RBPJL: variants seen among roughly 807,000 people sequenced by gnomAD.
RBPJL encodes the protein recombining binding protein suppressor of hairless-like protein.
A neutral mutation model predicts 57.6 loss-of-function variants in RBPJL; 50 were observed. The observed-to-expected ratio is 0.87, with a 90% CI of 0.69 to 1.10. The LOEUF (loss-of-function observed/expected upper bound fraction) is 1.10, where lower values mean the gene tolerates loss of function less well. Ranked by LOEUF, RBPJL falls within the 50% of genes least tolerant of loss-of-function variation. The pLI is 0.00. For synonymous variants in RBPJL, 303 were observed against 294.4 expected (o/e 1.03, Z -0.30); for missense variants, 684 against 693.7 (o/e 0.99, Z 0.16).
chr20:45,313,687 G>A, intron 7 of RBPJL, 82 bp downstream of exon 7: 2 of 1,377,470 alleles, frequency 1.5e-6, no homozygotes, highest in Non-Finnish European at 1.9e-6. Context: ...CTTAAGGAAG[G>A]TAAACTCTGC....
intron 9 of RBPJL, among the ~76,000 whole-genome samples, chr20:45,315,138 C>T (rs1278980934): frequency 1.3e-5 from 2 of 152,088 alleles, no homozygotes; most frequent in East Asian, 3.9e-4. Context: ...AAATAAAAAT[C>T]ATGATAGGTA....
rs1434605442 is a variant in RBPJL, at chr20:45,311,921, G to GA, written c.413dup (p.Leu139AlafsTer116). ...CGTCCGGCAGCGCCACTGAGACGCA[G>GA]AAGCTGAATTTCGAGCAGCAGCCGG... is the stretch of plus-strand genomic sequence containing the variant. On this transcript the variant is annotated frameshift_variant, in exon 5 of 12. Transcript: ENST00000343694. LOFTEE classifies it high-confidence loss of function. 2.6e-6 allele frequency: 4 copies of GA among 1,551,372 alleles called. No individual in the cohort carries two copies. The African/African-American group carries it at 5.5e-5, about 21-fold the overall frequency.
intron 9 of RBPJL, 146 bp downstream of exon 9, chr20:45,314,711 A>C: frequency 1.4e-6 from 1 of 704,074 alleles, no homozygotes; most frequent in Non-Finnish European, 2.3e-6. Context: ...CCCAGGACAG[A>C]ATCATAGGAT....
At chr20:45,308,119 G>A (rs772177918) in intron 1 of RBPJL, 24 bp from the exon 2 acceptor site, 3 of 1,560,120 alleles carry the variant, frequency 1.9e-6, no homozygotes, top group South Asian at 2.2e-5. Flanking sequence ...CGCCTGACCT[G>A]GCTTGATGCC....
intron 5 of RBPJL, 120 bp downstream of exon 5, chr20:45,312,074 G>A: frequency 2.8e-6 from 4 of 1,446,812 alleles, no homozygotes; most frequent in Non-Finnish European, 3.8e-6. Context: ...GGAGGCCGGG[G>A]TCCTGCCTTA....
At chr20:45,314,898 C>T (rs1987377193) in intron 9 of RBPJL, among the ~76,000 whole-genome samples, 1 of 152,134 alleles carries the variant, frequency 6.6e-6, no homozygotes, top group Non-Finnish European at 1.5e-5. Flanking sequence ...GACTGGCCAA[C>T]ATGGTGAAAT....
Position 45,317,311 on chromosome 20 carries a change from T to C in RBPJL, c.*352T>C. 7.2e-6 allele frequency: 2 copies of C among 276,384 alleles called. No homozygotes were observed. The highest frequency in any genetic ancestry group is 1.3e-5 in the Non-Finnish European group (2 of 148,208). 17.1% of individuals were successfully genotyped at this position (276,384 alleles called of 1,614,324 possible). A position where few individuals can be genotyped will look rare whatever the true frequency, so the allele number is the denominator to read the frequency against. ...GTCCCTATCCTTCTGTCCTTTTCTC[T>C]CTTCAGCTCTCCCTGCCTCTCACAC... On this transcript the variant is annotated 3_prime_UTR_variant, in exon 12 of 12. Transcript: ENST00000343694.
In RBPJL at chr20:45,311,606, CCT is replaced by C. The variant is rs759906888; in HGVS notation, c.276_277del (p.Val94LeufsTer41). 2.5e-6 allele frequency: 4 copies of C among 1,614,216 alleles called. No individual in the cohort carries two copies. The highest frequency in any genetic ancestry group is 3.4e-6 in the Non-Finnish European group (4 of 1,180,040). ...CTCCGCAGGTTCTTCTGCCCCCCGCCCTGTGTCTACCTCTCGGGGCCTGGCTG... is the reference window on the plus strand; with the variant it reads ...CTCCGCAGGTTCTTCTGCCCCCCGCCGTGTCTACCTCTCGGGGCCTGGCTG... On this transcript the variant is annotated frameshift_variant, in exon 4 of 12. Coordinates refer to ENST00000343694, the MANE Select transcript of RBPJL (RefSeq NM_014276.4). LOFTEE classifies it high-confidence loss of function.
At position 45,313,403 on chromosome 20, in the gene RBPJL, A is replaced by G. The variant is rs1388481832; in HGVS notation, c.620-65A>G. The G allele has an allele frequency of 2.2e-6, 3 of 1,391,632 alleles. No individual in the cohort carries two copies. In the African/African-American group the frequency reaches 4.4e-5, roughly 20 times the overall value. The allele number at this position is 1,391,632 out of a possible 1,614,324, so 86.2% of individuals were successfully genotyped here. A position where few individuals can be genotyped will look rare whatever the true frequency, so the allele number is the denominator to read the frequency against. On this transcript the variant is annotated intron_variant, in intron 6 of 11. Transcript: ENST00000343694. Reference sequence around the variant, plus strand: ...AACCCTAACCCCAATCCTAACCCTAACCCTATCCCCTCACCCTAACCCTGA... The same window carrying G: ...AACCCTAACCCCAATCCTAACCCTAGCCCTATCCCCTCACCCTAACCCTGA...
At chr20:45,313,134 T>A (rs1001565081) in intron 6 of RBPJL, among the ~76,000 whole-genome samples, 1 of 152,112 alleles carries the variant, frequency 6.6e-6, no homozygotes, top group African/African-American at 2.4e-5. Context: ...GAACTGGGAA[T>A]GCCCAGTGTA....
chr20:45,311,557 T>A (rs370781022), intron 3 of RBPJL, 32 bp from the exon 4 acceptor site: 86 of 1,609,030 alleles, frequency 5.3e-5, no homozygotes, highest in Non-Finnish European at 6.9e-5. Flanking sequence ...TGGAGATGGA[T>A]GCACGACTCC....
At chr20:45,307,986 G>A (rs903837388) in intron 1 of RBPJL, among the ~76,000 whole-genome samples, 157 bp from the exon 2 acceptor site, 2 of 152,132 alleles carry the variant, frequency 1.3e-5, no homozygotes, top group Non-Finnish European at 2.9e-5. Context: ...AGTAGAAAAG[G>A]GATGATCCTA....
At chr20:45,308,280 G>A (rs1986923560) in intron 2 of RBPJL, 29 bp downstream of exon 2, 1 of 1,465,176 alleles carries the variant, frequency 6.8e-7, no homozygotes, top group Non-Finnish European at 9.6e-7. Context: ...CGTGCCCTAG[G>A]TGGGGACTGC....
At chr20:45,306,974 G>A in intron 1 of RBPJL, 30 bp downstream of exon 1, 1 of 1,244,376 alleles carries the variant, frequency 8.0e-7, no homozygotes, top group African/African-American at 1.6e-5. Flanking sequence ...AGGCCCCGGA[G>A]ACGCCCCGTG....
chr20:45,309,884 T>A lies in RBPJL; in HGVS notation c.257+192T>A, dbSNP rs957563229. On this transcript the variant is annotated intron_variant, in intron 3 of 11. Transcript: ENST00000343694. ...GGTCTATAGTTCTACAGCAGGAGAT[T>A]CCCTGTGAATCTCCTGTCTCCATTC... is the stretch of plus-strand genomic sequence containing the variant. Among the ~76,000 whole-genome samples, 5 of 152,158 alleles carry A rather than the reference T, an allele frequency of 3.3e-5. No homozygotes were observed. The South Asian group carries it at 1.0e-3, about 32-fold the overall frequency.
chr20:45,315,320 A>G (rs1217235797), intron 9 of RBPJL, among the ~76,000 whole-genome samples: 1 of 152,184 alleles, frequency 6.6e-6, no homozygotes, highest in East Asian at 1.9e-4. Context: ...GAAAATAGCA[A>G]GTATTATTCC....
Position 45,306,863 on chromosome 20 carries a change from A to G in RBPJL, c.-60A>G. ...CAGGGGTGTGCAGGGTTCCAGCGACAGCAGCACTGGACTCGTCCAGAGGGC... is the reference window on the plus strand; with the variant it reads ...CAGGGGTGTGCAGGGTTCCAGCGACGGCAGCACTGGACTCGTCCAGAGGGC... On this transcript the variant is annotated 5_prime_UTR_variant, in exon 1 of 12. Transcript: ENST00000343694. The G allele has an allele frequency of 8.2e-7, 1 of 1,213,312 alleles. No individual in the cohort carries two copies. The highest frequency in any genetic ancestry group is 1.0e-6 in the Non-Finnish European group (1 of 955,070). The allele number at this position is 1,213,312 out of a possible 1,614,324, so 75.2% of individuals were successfully genotyped here.
At chr20:45,314,806 G>C (rs1345121067) in intron 9 of RBPJL, among the ~76,000 whole-genome samples, 1 of 152,190 alleles carries the variant, frequency 6.6e-6, no homozygotes, top group Non-Finnish European at 1.5e-5. Flanking sequence ...GATATAGCCA[G>C]GTGCGGTGGC....
Position 45,311,576 on chromosome 20 carries a change from C to T in RBPJL, c.258-13C>T, listed in dbSNP as rs775757590. Reference sequence around the variant, plus strand: ...GATGGATGCACGACTCCAACACTCACTTATCTCCGCAGGTTCTTCTGCCCC... The same window carrying T: ...GATGGATGCACGACTCCAACACTCATTTATCTCCGCAGGTTCTTCTGCCCC... On this transcript the variant is annotated splice_polypyrimidine_tract_variant and intron_variant, in intron 3 of 11. Transcript: ENST00000343694. The T allele has an allele frequency of 8.7e-6, 14 of 1,614,040 alleles. No homozygotes were observed. The highest frequency in any genetic ancestry group is 1.2e-5 in the Non-Finnish European group (14 of 1,179,906).
Sources: allele counts gnomAD v4.1 joint callset (sites outside exome capture counted in the v4.1 genomes callset), GRCh38; gene constraint gnomAD v4.1.1; transcripts MANE v1.5; gene names NCBI Gene and HGNC (gene_info 2026-07-23, HGNC 2026-07-21).